The following FOXP2 variants were observed in gnomAD, a reference collection of about 807,000 sequenced individuals.
FOXP2 encodes the protein forkhead box protein P2.
A neutral mutation model predicts 115.8 loss-of-function variants in FOXP2; 12 were observed. The ratio of observed to expected loss-of-function variants is 0.10; its 90% confidence interval spans 0.07 to 0.17. The LOEUF is 0.17. Among genes scored for constraint, FOXP2 ranks in the 10% least tolerant of loss-of-function variants. The pLI is 1.00. For synonymous variants in FOXP2, 328 were observed against 297.7 expected (o/e 1.10, Z -1.05); for missense variants, 629 against 843.5 (o/e 0.75, Z 3.15).
At chr7:114,568,623 C>G (rs749982696) in intron 3 of FOXP2, among the ~76,000 whole-genome samples, 2 of 151,802 alleles carry the variant, frequency 1.3e-5, no homozygotes, top group Non-Finnish European at 2.9e-5. Flanking sequence ...AAGCCTCAGG[C>G]AGCTTCCATC....
At chr7:114,319,423 C>T (rs1797356826) in intron 2 of FOXP2, among the ~76,000 whole-genome samples, 1 of 152,156 alleles carries the variant, frequency 6.6e-6, no homozygotes, top group East Asian at 1.9e-4. Context: ...CATATTTGAG[C>T]CTGGGCAATT....
At chr7:114,364,528 G>C (rs1791830359) in intron 2 of FOXP2, among the ~76,000 whole-genome samples, 1 of 152,082 alleles carries the variant, frequency 6.6e-6, no homozygotes, top group Non-Finnish European at 1.5e-5. Flanking sequence ...CAGATATATA[G>C]TTTGCTGTTT....
In FOXP2 at chr7:114,457,389, C is replaced by G. The variant is rs550407531; in HGVS notation, c.168+30710C>G. 3.3e-5 allele frequency among the ~76,000 whole-genome samples: 5 copies of G among 151,678 alleles called. No individual in the cohort carries two copies. The East Asian group carries it at 9.7e-4, about 29-fold the overall frequency. On this transcript the variant is annotated intron_variant, in intron 2 of 16. Transcript: ENST00000350908. ...AGGTTAAGTTCTCTACTTTTTATCC[C>G]CTTGATTAAAAAAAAATCATAATTT...
chr7:114,512,926 A>G (rs1207345236), intron 2 of FOXP2, among the ~76,000 whole-genome samples: 2 of 152,080 alleles, frequency 1.3e-5, no homozygotes, highest in South Asian at 2.1e-4. Flanking sequence ...TACCAAAAAT[A>G]CAAAAATTAG....
intron 2 of FOXP2, among the ~76,000 whole-genome samples, chr7:114,478,013 C>T (rs1242328338): frequency 6.6e-6 from 1 of 151,776 alleles, no homozygotes; most frequent in Non-Finnish European, 1.5e-5. Context: ...AGTATTCTGA[C>T]TTCTAAAACC....
At chr7:114,120,783 T>A (rs1791542523) in intron 1 of FOXP2, among the ~76,000 whole-genome samples, 1 of 151,982 alleles carries the variant, frequency 6.6e-6, no homozygotes, top group African/African-American at 2.4e-5. Flanking sequence ...GTTATTTTAA[T>A]TTACATTTTA....
At chr7:114,176,494 C>T (rs763954479) in intron 1 of FOXP2, among the ~76,000 whole-genome samples, 26 of 151,694 alleles carry the variant, frequency 1.7e-4, no homozygotes, top group Admixed American at 2.6e-4. Context: ...CGCGCACCAC[C>T]ACGCCCGGCT....
intron 3 of FOXP2, among the ~76,000 whole-genome samples, chr7:114,586,858 T>A (rs1473230278): frequency 3.3e-5 from 5 of 152,064 alleles, no homozygotes; most frequent in Non-Finnish European, 7.4e-5. Flanking sequence ...CATTGCTTAC[T>A]GTAAATAATC....
intron 1 of FOXP2, among the ~76,000 whole-genome samples, chr7:114,198,213 A>C (rs1023650351): frequency 1.3e-5 from 2 of 152,090 alleles, no homozygotes; most frequent in African/African-American, 2.4e-5. Flanking sequence ...GTCAGTAACT[A>C]TAAGTACATC....
At chr7:114,455,410 G>A (rs1168651352) in intron 2 of FOXP2, among the ~76,000 whole-genome samples, 2 of 152,260 alleles carry the variant, frequency 1.3e-5, no homozygotes, top group East Asian at 3.9e-4. Flanking sequence ...ATTGCCTCTG[G>A]AAGTATAGAT....
chr7:114,090,899 G>C (rs1309203062), intron 1 of FOXP2, among the ~76,000 whole-genome samples: 1 of 151,024 alleles, frequency 6.6e-6, no homozygotes, highest in African/African-American at 2.4e-5. Context: ...TTGATTTTCA[G>C]AACTTCAAAG....
intron 1 of FOXP2, among the ~76,000 whole-genome samples, chr7:114,092,280 G>T (rs150881729): frequency 1.3e-5 from 2 of 151,942 alleles, no homozygotes; most frequent in African/African-American, 4.8e-5. Context: ...TCTAATGGAA[G>T]TCTATAAGAT....
At chr7:114,535,563 G>T (rs1447856324) in intron 3 of FOXP2, among the ~76,000 whole-genome samples, 1 of 151,406 alleles carries the variant, frequency 6.6e-6, no homozygotes, top group Non-Finnish European at 1.5e-5. Context: ...TTATGGCCCA[G>T]CTGTCTGTTT....
At chr7:114,680,648 G>A (rs867409615) in intron 16 of FOXP2, among the ~76,000 whole-genome samples, 1 of 151,994 alleles carries the variant, frequency 6.6e-6, no homozygotes, top group Admixed American at 6.6e-5. Flanking sequence ...GGAGGCTGAG[G>A]CAGGAGAATC....
At chr7:114,556,792 C>T (rs1422224313) in intron 3 of FOXP2, among the ~76,000 whole-genome samples, 1 of 152,116 alleles carries the variant, frequency 6.6e-6, no homozygotes. Flanking sequence ...AAATGCACTT[C>T]AGAATTATTT....
intron 2 of FOXP2, among the ~76,000 whole-genome samples, chr7:114,465,575 G>A (rs1337316932): frequency 6.6e-6 from 1 of 152,180 alleles, no homozygotes; most frequent in Non-Finnish European, 1.5e-5. Flanking sequence ...TAAAGGGTTA[G>A]TAAACCACCT....
At chr7:114,515,511 GTCT>G (rs1025868791) in intron 2 of FOXP2, among the ~76,000 whole-genome samples, 2 of 152,154 alleles carry the variant, frequency 1.3e-5, no homozygotes, top group Non-Finnish European at 2.9e-5. Context: ...CTGCATAGAT[GTCT>G]TCTTTGGAGA....
At chr7:114,183,632 T>C (rs1346042641) in intron 1 of FOXP2, among the ~76,000 whole-genome samples, 1 of 152,184 alleles carries the variant, frequency 6.6e-6, no homozygotes, top group Non-Finnish European at 1.5e-5. Context: ...AAACTATAAA[T>C]TGTAGAACAG....
At chr7:114,386,486 G>A (rs554082947) in intron 2 of FOXP2, among the ~76,000 whole-genome samples, 1 of 152,188 alleles carries the variant, frequency 6.6e-6, no homozygotes, top group Admixed American at 6.5e-5. Context: ...GATCATAGAA[G>A]TCCTATAAAC....
Sources: allele counts gnomAD v4.1 joint callset (sites outside exome capture counted in the v4.1 genomes callset), GRCh38; gene constraint gnomAD v4.1.1; transcripts MANE v1.5; gene names NCBI Gene and HGNC (gene_info 2026-07-23, HGNC 2026-07-21).